The following XRCC4 variants were observed in gnomAD, a reference collection of about 807,000 sequenced individuals.
The protein encoded by XRCC4 is X-ray repair cross complementing 4.
Under a neutral mutation model 39.1 loss-of-function variants are expected in XRCC4, and 28 were observed. The ratio of observed to expected loss-of-function variants is 0.72; its 90% CI spans 0.53 to 0.98. XRCC4 has a LOEUF of 0.98. Among genes scored for constraint, XRCC4 ranks in the 50% least tolerant of loss-of-function variants. XRCC4 has a pLI of 0.00. For missense variants in XRCC4, 350 were observed against 376.4 expected, an observed-to-expected ratio of 0.93 and a Z score of 0.58; for synonymous variants, 123 against 126.4, an observed-to-expected ratio of 0.97 and a Z score of 0.18.
chr5:83,189,432 A>G (rs1351138778), intron 3 of XRCC4, among the ~76,000 whole-genome samples: 1 of 152,190 alleles, frequency 6.6e-6, no homozygotes, highest in Non-Finnish European at 1.5e-5. Flanking sequence ...TAGCACAATA[A>G]TTACAATTTT....
chr5:83,178,787 G>A (rs1403513855), intron 3 of XRCC4, among the ~76,000 whole-genome samples: 2 of 152,162 alleles, frequency 1.3e-5, no homozygotes, highest in African/African-American at 2.4e-5. Context: ...AGTTTTTGAT[G>A]TGGTTTTCAT....
intron 7 of XRCC4, chr5:83,259,469 C>T (rs1042321431): frequency 6.6e-6 from 1 of 151,942 alleles, no homozygotes; most frequent in Admixed American, 6.6e-5. Flanking sequence ...TTGTAGGGGT[C>T]CATAAGGTCG....
Position 83,144,574 on chromosome 5 carries a change from G to A in XRCC4, c.315+33371G>A, listed in dbSNP as rs919904314. 1.6e-3 allele frequency among the ~76,000 whole-genome samples: 113 copies of A among 69,544 alleles called. 2 individuals are homozygous for A. Among genetic ancestry groups the A allele is most frequent in the Non-Finnish European group, 5.4e-4 (20 of 37,300 alleles). 45.6% of individuals were successfully genotyped at this position (69,544 alleles called of 152,430 possible). On this transcript the variant is annotated intron_variant, in intron 3 of 7. Coordinates refer to ENST00000396027, the MANE Select transcript of XRCC4 (RefSeq NM_003401.5). ...CCCACCCCCCCCCCCCCACCCCCAC[G>A]GATTGGCTGAGCTTCTTGAATCTAT...
chr5:83,206,066 G>A (rs961501871), intron 6 of XRCC4, among the ~76,000 whole-genome samples: 9 of 152,134 alleles, frequency 5.9e-5, no homozygotes, highest in South Asian at 2.1e-4. Context: ...ACCTCATCAC[G>A]TGTAGGGCGA....
intron 3 of XRCC4, among the ~76,000 whole-genome samples, chr5:83,159,294 A>G (rs955105715): frequency 2.0e-5 from 3 of 152,014 alleles, no homozygotes; most frequent in African/African-American, 7.2e-5. Context: ...GGAATTTATA[A>G]TTTATTAAGA....
chr5:83,126,305 A>G (rs1009092226), intron 3 of XRCC4, among the ~76,000 whole-genome samples: 4 of 152,110 alleles, frequency 2.6e-5, no homozygotes, highest in Admixed American at 6.6e-5. Flanking sequence ...ATTTGAGTTT[A>G]CAGTGGCTCA....
At chr5:83,135,340 G>A (rs774494602) in intron 3 of XRCC4, among the ~76,000 whole-genome samples, 1 of 151,654 alleles carries the variant, frequency 6.6e-6, no homozygotes, top group Admixed American at 6.6e-5. Flanking sequence ...TTCCTATTCG[G>A]CCATCTTGGA....
At chr5:83,362,438 T>A in the XRCC4 span, among the ~76,000 whole-genome samples, 1 of 152,146 alleles carries the variant, frequency 6.6e-6, no homozygotes, top group Admixed American at 6.5e-5. Context: ...TCCTTAGAAT[T>A]TGGAATTTCA....
intron 7 of XRCC4, among the ~76,000 whole-genome samples, chr5:83,262,148 A>G (rs1280697334): frequency 6.6e-6 from 1 of 152,132 alleles, no homozygotes; most frequent in African/African-American, 2.4e-5. Context: ...CACAAACCCT[A>G]CAAGATAGGT....
chr5:83,300,237 C>T (rs1755231128), intron 7 of XRCC4, among the ~76,000 whole-genome samples: 1 of 152,058 alleles, frequency 6.6e-6, no homozygotes, highest in Non-Finnish European at 1.5e-5. Context: ...TAGACAGGCC[C>T]TAGGCTTTGT....
chr5:83,281,862 AT>A (rs1158214214), intron 7 of XRCC4, among the ~76,000 whole-genome samples: 1 of 152,164 alleles, frequency 6.6e-6, no homozygotes, highest in African/African-American at 2.4e-5. Flanking sequence ...TAACAAAGGT[AT>A]TCCCCCCAAA....
chr5:83,301,101 T>C (rs1307601783), intron 7 of XRCC4, among the ~76,000 whole-genome samples: 1 of 152,194 alleles, frequency 6.6e-6, no homozygotes, highest in Non-Finnish European at 1.5e-5. Flanking sequence ...TACCCAGTAA[T>C]GAGATTGCTG....
intron 3 of XRCC4, among the ~76,000 whole-genome samples, chr5:83,124,098 A>C (rs1018475517): frequency 2.0e-5 from 3 of 152,098 alleles, no homozygotes; most frequent in Non-Finnish European, 4.4e-5. Context: ...GACTGTACAC[A>C]GATTTTATCA....
chr5:83,247,433 C>A (rs1328433126), intron 6 of XRCC4, among the ~76,000 whole-genome samples: 1 of 152,176 alleles, frequency 6.6e-6, no homozygotes, highest in Non-Finnish European at 1.5e-5. Flanking sequence ...TCCCCCCAAC[C>A]TCACCCGGTC....
chr5:83,341,248 C>A (rs1456863496), intron 7 of XRCC4, among the ~76,000 whole-genome samples: 1 of 151,958 alleles, frequency 6.6e-6, no homozygotes, highest in African/African-American at 2.4e-5. Context: ...AAGTATCCCT[C>A]TCAGCTAAAA....
At chr5:83,207,013 C>T (rs1751447995) in intron 6 of XRCC4, among the ~76,000 whole-genome samples, 1 of 152,106 alleles carries the variant, frequency 6.6e-6, no homozygotes, top group South Asian at 2.1e-4. Flanking sequence ...CATACTTTTG[C>T]ACTTGGGAAT....
In XRCC4 at chr5:83,163,112, A is replaced by G. The variant is rs540211080; in HGVS notation, c.316-32658A>G. On this transcript the variant is annotated intron_variant, in intron 3 of 7. Coordinates refer to ENST00000396027, the MANE Select transcript of XRCC4 (RefSeq NM_003401.5). ...CAAGCATGTGCCACCACATCTGGCT[A>G]ATTTTTGTATTTTTAGTAAAGACGG... is the stretch of plus-strand genomic sequence containing the variant. Among the ~76,000 whole-genome samples, 131 of 151,786 alleles carry G rather than the reference A, an allele frequency of 8.6e-4. No homozygotes were observed. The Middle Eastern group carries it at 0.01, about 12-fold the overall frequency.
At chr5:83,162,560 A>G (rs6452528) in intron 3 of XRCC4, among the ~76,000 whole-genome samples, 73,098 of 152,110 alleles carry the variant, frequency 0.48, 18,453 homozygotes, top group African/African-American at 0.62. Context: ...AAAAGTGTGG[A>G]AGCTTTTGAT....
At chr5:83,117,247 A>G (rs903771793) in intron 3 of XRCC4, among the ~76,000 whole-genome samples, 3 of 152,184 alleles carry the variant, frequency 2.0e-5, no homozygotes, top group South Asian at 2.1e-4. Flanking sequence ...AAAGCATACT[A>G]TAGTGCCAGC....
Sources: gnomAD v4.1 joint callset for allele counts (sites outside exome capture counted in the v4.1 genomes callset) on GRCh38, gnomAD v4.1.1 for gene constraint, MANE v1.5 for transcripts, NCBI Gene and HGNC (gene_info 2026-07-23, HGNC 2026-07-21) for gene names.